NKAIN2: variants seen among roughly 807,000 people sequenced by gnomAD.
NKAIN2 encodes sodium/potassium transporting ATPase interacting 2, also known as sodium/potassium-transporting ATPase subunit beta-1-interacting protein 2.
NKAIN2 carries 14 observed loss-of-function variants against 32.6 expected under a neutral mutation model. That is an observed-to-expected ratio of 0.43 (90% CI 0.28 to 0.67). The LOEUF (loss-of-function observed/expected upper bound fraction) is 0.67, where lower values mean the gene tolerates loss of function less well. Ranked by LOEUF, NKAIN2 falls within the 30% of genes least tolerant of loss-of-function variation. The pLI, the probability that NKAIN2 is intolerant of heterozygous loss-of-function variation, is 0.17. For synonymous variants in NKAIN2, 80 were observed against 87.2 expected (o/e 0.92, Z 0.46); for missense variants, 198 against 258.3 (o/e 0.77, Z 1.60).
At chr6:124,193,546 C>T (rs1029150399) in intron 1 of NKAIN2, among the ~76,000 whole-genome samples, 2 of 152,164 alleles carry the variant, frequency 1.3e-5, no homozygotes, top group African/African-American at 2.4e-5. Flanking sequence ...TCTGGGAGCT[C>T]CTATGTCTGG....
chr6:123,820,625 A>G (rs190569669), intron 1 of NKAIN2, among the ~76,000 whole-genome samples: 7 of 152,284 alleles, frequency 4.6e-5, no homozygotes, highest in Non-Finnish European at 8.8e-5. Context: ...GTGCCAGACC[A>G]GAATCTCTCC....
intron 2 of NKAIN2, among the ~76,000 whole-genome samples, chr6:124,323,219 A>G (rs1797267146): frequency 6.6e-6 from 1 of 152,126 alleles, no homozygotes; most frequent in Non-Finnish European, 1.5e-5. Context: ...CCCATTCTGA[A>G]GCTTATCTTT....
intron 1 of NKAIN2, among the ~76,000 whole-genome samples, chr6:123,898,648 C>T (rs1025408829): frequency 1.3e-5 from 2 of 151,648 alleles, no homozygotes; most frequent in African/African-American, 4.8e-5. Context: ...TAATGAGTAC[C>T]AGGCCTGTAT....
chr6:123,808,390 TGA>T (rs1043957226), intron 1 of NKAIN2, among the ~76,000 whole-genome samples: 2 of 152,200 alleles, frequency 1.3e-5, no homozygotes, highest in African/African-American at 2.4e-5. Flanking sequence ...AAAAATATGT[TGA>T]GTTTGCTAAG....
At chr6:123,892,050 G>A (rs1774043496) in intron 1 of NKAIN2, among the ~76,000 whole-genome samples, 1 of 152,084 alleles carries the variant, frequency 6.6e-6, no homozygotes, top group African/African-American at 2.4e-5. Flanking sequence ...CAGAGAACCT[G>A]GAAGAGAGAG....
chr6:124,176,110 G>T (rs1371819697), intron 1 of NKAIN2, among the ~76,000 whole-genome samples: 2 of 152,062 alleles, frequency 1.3e-5, no homozygotes, highest in Non-Finnish European at 1.5e-5. Context: ...ACATATAAGG[G>T]TTATACTATA....
At chr6:124,797,892 A>G (rs555583784) in intron 5 of NKAIN2, among the ~76,000 whole-genome samples, 237 of 152,300 alleles carry the variant, frequency 1.6e-3, no homozygotes, top group African/African-American at 5.2e-3. Flanking sequence ...GAAAGCATAG[A>G]CAATACAGAT....
At chr6:124,511,874 C>T (rs1169760527) in intron 3 of NKAIN2, among the ~76,000 whole-genome samples, 4 of 152,132 alleles carry the variant, frequency 2.6e-5, no homozygotes, top group Non-Finnish European at 2.9e-5. Context: ...GGTGAATAGT[C>T]ATTTGCTCAT....
At chr6:124,159,421 G>A (rs960297127) in intron 1 of NKAIN2, among the ~76,000 whole-genome samples, 7 of 152,056 alleles carry the variant, frequency 4.6e-5, no homozygotes, top group Admixed American at 4.6e-4. Context: ...TTTTTTGTCT[G>A]TTATTCTCAG....
intron 1 of NKAIN2, among the ~76,000 whole-genome samples, chr6:123,820,940 C>T (rs928531): frequency 6.6e-6 from 1 of 152,208 alleles, no homozygotes; most frequent in South Asian, 2.1e-4. Context: ...AGGCCTCATT[C>T]AAGAAACAAT....
chr6:124,108,798 T>C (rs943706775), intron 1 of NKAIN2, among the ~76,000 whole-genome samples: 2 of 152,096 alleles, frequency 1.3e-5, no homozygotes, highest in Non-Finnish European at 2.9e-5. Flanking sequence ...AAGAGGCTAT[T>C]CTTTCCTGAT....
intron 1 of NKAIN2, among the ~76,000 whole-genome samples, chr6:124,186,950 A>C (rs1789774008): frequency 7.3e-6 from 1 of 137,070 alleles, no homozygotes; most frequent in Non-Finnish European, 1.6e-5. Flanking sequence ...TTTTTCTGAC[A>C]AGAAAAGTAC....
chr6:124,281,750 A>T (rs1046293713), intron 1 of NKAIN2, among the ~76,000 whole-genome samples: 1 of 152,186 alleles, frequency 6.6e-6, no homozygotes, highest in African/African-American at 2.4e-5. Context: ...CTACTCAGCT[A>T]AAGAACTGCA....
At chr6:123,920,299 A>C (rs867077489) in intron 1 of NKAIN2, among the ~76,000 whole-genome samples, 12 of 152,218 alleles carry the variant, frequency 7.9e-5, no homozygotes, top group Middle Eastern at 3.4e-3. Flanking sequence ...CTGGTTTCTA[A>C]TTGGTACTTT....
intron 1 of NKAIN2, among the ~76,000 whole-genome samples, chr6:124,068,596 G>A (rs1783298373): frequency 6.6e-6 from 1 of 151,902 alleles, no homozygotes; most frequent in African/African-American, 2.4e-5. Flanking sequence ...ATCTTTGCTT[G>A]TATTTTGAGG....
At chr6:124,060,350 A>G (rs1334952910) in intron 1 of NKAIN2, among the ~76,000 whole-genome samples, 2 of 152,274 alleles carry the variant, frequency 1.3e-5, no homozygotes, top group East Asian at 3.9e-4. Flanking sequence ...GTTGTTAACA[A>G]TTGATTGCAG....
chr6:123,909,772 A>G (rs1382342865), intron 1 of NKAIN2, among the ~76,000 whole-genome samples: 1 of 152,166 alleles, frequency 6.6e-6, no homozygotes, highest in Non-Finnish European at 1.5e-5. Flanking sequence ...AGAAATATGC[A>G]TTTATTTTAA....
chr6:124,600,074 T>C (rs1248776273), intron 3 of NKAIN2, among the ~76,000 whole-genome samples: 1 of 152,060 alleles, frequency 6.6e-6, no homozygotes, highest in East Asian at 1.9e-4. Context: ...GAGGGAACCA[T>C]GCTACAGTGA....
At chr6:123,886,963 A>T (rs1471445114) in intron 1 of NKAIN2, among the ~76,000 whole-genome samples, 1 of 152,176 alleles carries the variant, frequency 6.6e-6, no homozygotes, top group East Asian at 1.9e-4. Flanking sequence ...TGGAATGCAG[A>T]TCTTACTGAT....
Sources: allele counts gnomAD v4.1 joint callset (sites outside exome capture counted in the v4.1 genomes callset), GRCh38; gene constraint gnomAD v4.1.1; transcripts MANE v1.5; gene names NCBI Gene and HGNC (gene_info 2026-07-23, HGNC 2026-07-21).